The following COMMD7 variants were observed in gnomAD, a reference collection of about 807,000 sequenced individuals.
The protein encoded by COMMD7 is COMM domain-containing protein 7.
In COMMD7, 28 loss-of-function variants were observed where a neutral mutation model predicts 34.8. The observed-to-expected ratio is 0.80, with a 90% CI of 0.60 to 1.10. COMMD7 has a LOEUF of 1.10. Ranked by LOEUF, COMMD7 falls within the 50% of genes least tolerant of loss-of-function variation. The pLI, the probability that COMMD7 is intolerant of heterozygous loss-of-function variation, is 0.00. For synonymous variants in COMMD7, 80 were observed against 86.4 expected (o/e 0.93, Z 0.41); for missense variants, 211 against 241.6 (o/e 0.87, Z 0.84).
At chr20:32,730,113 CT>C (rs1192288784) in intron 1 of COMMD7, among the ~76,000 whole-genome samples, 2 of 143,492 alleles carry the variant, frequency 1.4e-5, no homozygotes, top group Admixed American at 1.4e-4. Flanking sequence ...TTATGGCAGC[CT>C]GAGCTGACTG....
Position 32,706,535 on chromosome 20 carries a change from A to G in COMMD7, c.336+48T>C, listed in dbSNP as rs1568771776. 6.1e-6 allele frequency: 9 copies of G among 1,470,520 alleles called. 1 individual carries two copies. The highest frequency in any genetic ancestry group is 7.5e-6 in the Non-Finnish European group (8 of 1,069,728). 91.1% of individuals were successfully genotyped at this position (1,470,520 alleles called of 1,614,324 possible). A position where few individuals can be genotyped will look rare whatever the true frequency, so the allele number is the denominator to read the frequency against. ...CTCAAAAAAAAAAAAAAGAAAGAAA[A>G]GCAAGGGATCTTAATCAGCCATTAA... On this transcript the variant is annotated intron_variant, in intron 5 of 8. Coordinates refer to ENST00000278980, the MANE Select transcript of COMMD7 (RefSeq NM_053041.3).
intron 5 of COMMD7, 71 bp from the exon 6 acceptor site, chr20:32,704,975 T>C (rs753474605): frequency 9.8e-6 from 11 of 1,117,460 alleles, no homozygotes; most frequent in Admixed American, 1.7e-5. Flanking sequence ...GCCCTAAACA[T>C]TGCAATATTT....
chr20:32,717,033 G>T (rs367958956), intron 3 of COMMD7, among the ~76,000 whole-genome samples: 1 of 152,054 alleles, frequency 6.6e-6, no homozygotes, highest in Non-Finnish European at 1.5e-5. Context: ...TGGTTTCACC[G>T]TATCAGCCAG....
At chr20:32,743,038 G>A (rs915959199) in intron 1 of COMMD7, among the ~76,000 whole-genome samples, 1 of 151,812 alleles carries the variant, frequency 6.6e-6, no homozygotes, top group African/African-American at 2.4e-5. Flanking sequence ...CAGAGGTCCC[G>A]TAGTCCCATC....
chr20:32,711,582 G>A (rs373307241), intron 3 of COMMD7, among the ~76,000 whole-genome samples: 4 of 152,136 alleles, frequency 2.6e-5, no homozygotes, highest in African/African-American at 9.7e-5. Context: ...TGCCTTGACA[G>A]TTGCTGACAA....
chr20:32,731,159 A>T (rs1245010727), intron 1 of COMMD7, among the ~76,000 whole-genome samples: 8 of 151,912 alleles, frequency 5.3e-5, no homozygotes, highest in African/African-American at 1.9e-4. Flanking sequence ...TGCATAAAAA[A>T]ATTTAAAAAT....
At chr20:32,703,785 C>T (rs1426158269) in intron 8 of COMMD7, 1 of 1,516,064 alleles carries the variant, frequency 6.6e-7, no homozygotes, top group East Asian at 2.5e-5. Flanking sequence ...CCCAGCCATT[C>T]CGTTCCCACC....
chr20:32,726,271 C>T (rs957334629), intron 3 of COMMD7, among the ~76,000 whole-genome samples: 4 of 151,584 alleles, frequency 2.6e-5, no homozygotes, highest in Non-Finnish European at 5.9e-5. Flanking sequence ...CTTGCCTGTG[C>T]CTGTAATCCC....
intron 7 of COMMD7, 56 bp from the exon 8 acceptor site, chr20:32,704,127 A>G: frequency 7.2e-7 from 1 of 1,393,394 alleles, no homozygotes; most frequent in Non-Finnish European, 9.9e-7. Flanking sequence ...GGGCAAAGAA[A>G]TTCTTAAAAC....
At chr20:32,734,752 AC>A (rs796354095) in intron 1 of COMMD7, among the ~76,000 whole-genome samples, 10 of 151,806 alleles carry the variant, frequency 6.6e-5, no homozygotes, top group African/African-American at 1.4e-4. Context: ...ACATAATGAA[AC>A]CCCATGTCTA....
intron 3 of COMMD7, among the ~76,000 whole-genome samples, chr20:32,725,978 A>G (rs1035774191): frequency 8.0e-5 from 12 of 150,142 alleles, no homozygotes; most frequent in Admixed American, 6.8e-4. Flanking sequence ...CGGGAGGATC[A>G]CTTAAGCCCG....
At chr20:32,709,163 C>T (rs553044772) in intron 3 of COMMD7, among the ~76,000 whole-genome samples, 6 of 151,512 alleles carry the variant, frequency 4.0e-5, no homozygotes, top group South Asian at 4.2e-4. Flanking sequence ...AGACCAGGCA[C>T]GGTGGCTCAT....
At chr20:32,727,576 T>C (rs1985588446) in intron 3 of COMMD7, among the ~76,000 whole-genome samples, 1 of 151,414 alleles carries the variant, frequency 6.6e-6, no homozygotes, top group Non-Finnish European at 1.5e-5. Flanking sequence ...AGGGACATTG[T>C]CAAATTGCTA....
intron 3 of COMMD7, among the ~76,000 whole-genome samples, chr20:32,717,214 G>A (rs913512650): frequency 6.6e-6 from 1 of 152,004 alleles, no homozygotes; most frequent in East Asian, 1.9e-4. Flanking sequence ...GGAGGGCAGT[G>A]GTGTAATCAT....
At chr20:32,735,463 TGC>T (rs1986087463) in intron 1 of COMMD7, among the ~76,000 whole-genome samples, 2 of 151,372 alleles carry the variant, frequency 1.3e-5, no homozygotes, top group African/African-American at 4.9e-5. Flanking sequence ...ATTATAAGCG[TGC>T]ACTACCATGC....
At chr20:32,716,628 AC>A (rs1464490815) in intron 3 of COMMD7, among the ~76,000 whole-genome samples, 4 of 152,266 alleles carry the variant, frequency 2.6e-5, no homozygotes, top group Admixed American at 6.5e-5. Context: ...AACAAAAAAA[AC>A]AAAACATAAT....
At chr20:32,712,612 T>TAAA (rs34447587) in intron 3 of COMMD7, among the ~76,000 whole-genome samples, 53,981 of 141,476 alleles carry the variant, frequency 0.38, 10,435 homozygotes, top group South Asian at 0.47. Context: ...CCCAGACCTT[T>TAAA]AAAAAAAAAA....
intron 7 of COMMD7, 103 bp from the exon 8 acceptor site, chr20:32,704,174 A>G (rs1295883266): frequency 8.1e-6 from 8 of 992,700 alleles, no homozygotes; most frequent in Non-Finnish European, 1.2e-5. Context: ...TGAGAGTCAT[A>G]CAGGAGCAGT....
rs753930455 is a variant in COMMD7 at position 32,728,096 on chromosome 20, G to T, written c.131C>A (p.Pro44Gln). The change falls in exon 2 of 9, where the codon CCA becomes CAA. Residue 44 changes from proline to glutamine, a missense_variant. Pro to Gln is a moderately conservative substitution (Grantham distance 76, BLOSUM62 -1). Transcript: ENST00000278980. ...TEVLFHFLTE[P>Q]KEVERFLAQL... ...ACAGAATGTTTTATTTACCTCTTTTGGCTCAGTTAGGAAGTGGAAAAGCAC... is the reference window on the plus strand; with the variant it reads ...ACAGAATGTTTTATTTACCTCTTTTTGCTCAGTTAGGAAGTGGAAAAGCAC... 8.7e-6 allele frequency: 14 copies of T among 1,613,856 alleles called. 1 individual carries two copies. In the Middle Eastern group the frequency reaches 9.9e-4, roughly 114 times the overall value.
Sources: gnomAD v4.1 joint callset for allele counts (sites outside exome capture counted in the v4.1 genomes callset) on GRCh38, gnomAD v4.1.1 for gene constraint, MANE v1.5 for transcripts, NCBI Gene and HGNC (gene_info 2026-07-23, HGNC 2026-07-21) for gene names.